The following RBFOX1 variants were observed in gnomAD, a reference collection of about 807,000 sequenced individuals.
RBFOX1 encodes the protein RNA binding protein fox-1 homolog 1.
A neutral mutation model predicts 57.7 loss-of-function variants in RBFOX1; 8 were observed. The ratio of observed to expected loss-of-function variants is 0.14; its 90% CI spans 0.08 to 0.25. The LOEUF (loss-of-function observed/expected upper bound fraction) is 0.25, where lower values mean the gene tolerates loss of function less well. Among genes scored for constraint, RBFOX1 ranks in the 10% least tolerant of loss-of-function variants. RBFOX1 has a pLI of 1.00. For missense variants in RBFOX1, 611 were observed against 548.5 expected (o/e 1.11, Z -1.14); for synonymous variants, 326 against 222.4 (o/e 1.47, Z -4.15).
intron 3 of RBFOX1, among the ~76,000 whole-genome samples, chr16:5,650,287 C>G (rs1418499287): frequency 6.6e-6 from 1 of 151,988 alleles, no homozygotes; most frequent in East Asian, 1.9e-4. Context: ...TTTCTGGGCT[C>G]TCAGCCACAC....
chr16:7,254,079 G>A lies in RBFOX1; in HGVS notation c.27+201981G>A, dbSNP rs145133050. ...TTCACTTTGGGCATTGTGTTGTTGT[G>A]CTAAGAATGCCCTTTACTTCCACCT... On this transcript the variant is annotated intron_variant, in intron 4 of 15. Coordinates refer to ENST00000550418, the MANE Select transcript of RBFOX1 (RefSeq NM_018723.4). 1.7e-3 allele frequency among the ~76,000 whole-genome samples: 256 copies of A among 152,194 alleles called. 1 individual carries two copies. Among genetic ancestry groups the A allele is most frequent in the African/African-American group, 5.7e-3 (237 of 41,516 alleles).
chr16:6,868,930 C>G (rs34791691), intron 3 of RBFOX1, among the ~76,000 whole-genome samples: 30,545 of 152,128 alleles, frequency 0.2, 3,265 homozygotes, highest in East Asian at 0.27. Context: ...ACCACATTTT[C>G]TAGCCCTTGC....
intron 5 of RBFOX1, among the ~76,000 whole-genome samples, chr16:7,557,795 AG>A (rs1022769992): frequency 6.6e-6 from 1 of 151,998 alleles, no homozygotes; most frequent in African/African-American, 2.4e-5. Flanking sequence ...TGGGGGAAGG[AG>A]CGGGAGAGGG....
chr16:7,488,769 T>C (rs900084927), intron 4 of RBFOX1, among the ~76,000 whole-genome samples: 1 of 152,252 alleles, frequency 6.6e-6, no homozygotes, highest in Non-Finnish European at 1.5e-5. Flanking sequence ...TTTATTTGTA[T>C]ATGTATACAT....
At chr16:6,826,989 A>G (rs905576749) in intron 3 of RBFOX1, among the ~76,000 whole-genome samples, 11 of 152,160 alleles carry the variant, frequency 7.2e-5, no homozygotes, top group African/African-American at 2.4e-4. Context: ...TTGCACTGCA[A>G]TAGATAGGCC....
intron 2 of RBFOX1, among the ~76,000 whole-genome samples, chr16:5,477,719 T>A (rs1278888330): frequency 6.6e-6 from 1 of 152,198 alleles, no homozygotes; most frequent in African/African-American, 2.4e-5. Flanking sequence ...CTGATGGGCA[T>A]GTATGTCAGG....
chr16:6,074,263 C>G (rs1373793067), intron 1 of RBFOX1, among the ~76,000 whole-genome samples: 1 of 152,078 alleles, frequency 6.6e-6, no homozygotes, highest in East Asian at 1.9e-4. Flanking sequence ...GCTTCTTTCT[C>G]TCTCCCCCTC....
intron 3 of RBFOX1, among the ~76,000 whole-genome samples, chr16:6,857,343 T>C (rs2058093105): frequency 6.6e-6 from 1 of 152,156 alleles, no homozygotes; most frequent in African/African-American, 2.4e-5. Context: ...GATGTATGGG[T>C]AGCATCTAAG....
chr16:6,686,698 C>G (rs145733956), intron 3 of RBFOX1, among the ~76,000 whole-genome samples: 69 of 152,208 alleles, frequency 4.5e-4, no homozygotes, highest in African/African-American at 1.6e-3. Flanking sequence ...GCTAAGGGAA[C>G]GCAATTGTGA....
chr16:5,311,276 A>G (rs975781670), intron 1 of RBFOX1, among the ~76,000 whole-genome samples: 5 of 152,164 alleles, frequency 3.3e-5, no homozygotes, highest in African/African-American at 1.2e-4. Flanking sequence ...ATATATTAAT[A>G]TCACATTTTC....
In RBFOX1 at chr16:6,270,250, A is replaced by T. The variant is rs535642159; in HGVS notation, c.-126-46745A>T. 2.6e-5 allele frequency among the ~76,000 whole-genome samples: 4 copies of T among 152,294 alleles called. No homozygotes were observed. The South Asian group carries it at 8.3e-4, about 32-fold the overall frequency. ...ACTAACATACCAATAATTACATTAA[A>T]TGGCAATGGCCTATATACACCCTTT... On this transcript the variant is annotated intron_variant, in intron 1 of 15. Coordinates refer to ENST00000550418, the MANE Select transcript of RBFOX1 (RefSeq NM_018723.4).
At position 6,607,631 on chromosome 16, in the gene RBFOX1, C is replaced by T. The variant is rs116773457; in HGVS notation, c.-63-46972C>T. ...TCTCTTTCTCTCTCTTCTTCCTCCT[C>T]TATCTCTCCTCTCTCTTTCTGTCTT... On this transcript the variant is annotated intron_variant, in intron 2 of 15. Coordinates refer to ENST00000550418, the MANE Select transcript of RBFOX1 (RefSeq NM_018723.4). 7.4e-3 allele frequency among the ~76,000 whole-genome samples: 1,129 copies of T among 151,826 alleles called. 11 individuals are homozygous for T. The highest frequency in any genetic ancestry group is 0.025 in the African/African-American group (1,034 of 41,432).
intron 4 of RBFOX1, among the ~76,000 whole-genome samples, chr16:7,109,035 T>C (rs1003647790): frequency 6.6e-6 from 1 of 152,128 alleles, no homozygotes. Flanking sequence ...ACGTGCAGCA[T>C]AGGAAAATAC....
chr16:5,507,243 C>G (rs2043411002), intron 2 of RBFOX1, among the ~76,000 whole-genome samples: 1 of 152,172 alleles, frequency 6.6e-6, no homozygotes, highest in East Asian at 1.9e-4. Flanking sequence ...ACTGTCATCA[C>G]TGCTGTTGCT....
intron 3 of RBFOX1, among the ~76,000 whole-genome samples, chr16:7,051,677 T>G (rs766992861): frequency 1.3e-5 from 2 of 152,154 alleles, no homozygotes; most frequent in Non-Finnish European, 2.9e-5. Context: ...ATCATGACCA[T>G]CTGGAGTGGG....
At chr16:6,345,280 C>G (rs1461172354) in intron 2 of RBFOX1, among the ~76,000 whole-genome samples, 5 of 152,194 alleles carry the variant, frequency 3.3e-5, no homozygotes, top group Non-Finnish European at 7.3e-5. Flanking sequence ...GAAGCAACTG[C>G]GTACTGCTCC....
chr16:7,563,253 TC>T (rs1347631059), intron 5 of RBFOX1, among the ~76,000 whole-genome samples: 2 of 152,174 alleles, frequency 1.3e-5, no homozygotes, highest in Non-Finnish European at 2.9e-5. Flanking sequence ...ATAATCATGG[TC>T]CATCCTAAGC....
intron 1 of RBFOX1, among the ~76,000 whole-genome samples, chr16:6,153,635 A>C (rs1165450257): frequency 2.0e-5 from 3 of 152,086 alleles, no homozygotes; most frequent in Admixed American, 6.5e-5. Context: ...TCCCGGGTTC[A>C]AGTGATTCTC....
chr16:7,276,741 C>A (rs1184146618), intron 4 of RBFOX1, among the ~76,000 whole-genome samples: 2 of 152,116 alleles, frequency 1.3e-5, no homozygotes, highest in Admixed American at 6.5e-5. Flanking sequence ...ACCTTTGTTC[C>A]CACCTACGTT....
Sources: allele counts gnomAD v4.1 joint callset (sites outside exome capture counted in the v4.1 genomes callset), GRCh38; gene constraint gnomAD v4.1.1; transcripts MANE v1.5; gene names NCBI Gene and HGNC (gene_info 2026-07-23, HGNC 2026-07-21).